Variants in POU6F2 observed in about 807,000 individuals in gnomAD.
The protein encoded by POU6F2 is POU domain, class 6, transcription factor 2.
In POU6F2, 31 loss-of-function variants were observed where a neutral mutation model predicts 71.3. The ratio of observed to expected loss-of-function variants is 0.43; its 90% CI spans 0.33 to 0.59. The LOEUF (loss-of-function observed/expected upper bound fraction) is 0.59, where lower values mean the gene tolerates loss of function less well. Ranked by LOEUF, POU6F2 falls within the 20% of genes least tolerant of loss-of-function variation. The probability of loss-of-function intolerance (pLI) is 0.04; values close to 1 mark genes in which losing one functional copy is unlikely to be tolerated. For missense variants in POU6F2, 783 were observed against 856.8 expected (o/e 0.91, Z 1.07); for synonymous variants, 347 against 355.7 (o/e 0.98, Z 0.27).
chr7:39,320,430 A>C (rs1378846807), intron 4 of POU6F2, among the ~76,000 whole-genome samples: 1 of 152,024 alleles, frequency 6.6e-6, no homozygotes, highest in Non-Finnish European at 1.5e-5. Flanking sequence ...AATTATGTTA[A>C]ATTTATAAGT....
intron 4 of POU6F2, among the ~76,000 whole-genome samples, chr7:39,235,045 C>G (rs1475126872): frequency 6.6e-6 from 1 of 152,198 alleles, no homozygotes; most frequent in African/African-American, 2.4e-5. Flanking sequence ...TCTGTCTCTG[C>G]TGTCTTTAGG....
chr7:39,263,683 ACACAC>A (rs1281013231), intron 4 of POU6F2, among the ~76,000 whole-genome samples: 1 of 150,070 alleles, frequency 6.7e-6, no homozygotes, highest in African/African-American at 2.5e-5. Context: ...GCACACACAC[ACACAC>A]AAGTCACACG....
At chr7:39,381,483 CT>C (rs1322285773) in intron 5 of POU6F2, among the ~76,000 whole-genome samples, 1 of 152,150 alleles carries the variant, frequency 6.6e-6, no homozygotes, top group Non-Finnish European at 1.5e-5. Flanking sequence ...CTCAAATGAT[CT>C]GCCCACCTCG....
intron 5 of POU6F2, among the ~76,000 whole-genome samples, chr7:39,370,779 C>G (rs1346565164): frequency 6.6e-6 from 1 of 152,138 alleles, no homozygotes; most frequent in Admixed American, 6.5e-5. Context: ...CTGACCTTTC[C>G]CAAGCAAAAG....
chr7:39,125,256 G>A (rs1268153413), intron 2 of POU6F2, among the ~76,000 whole-genome samples: 1 of 152,114 alleles, frequency 6.6e-6, no homozygotes, highest in African/African-American at 2.4e-5. Context: ...ATGTATCTGT[G>A]GCAGTGTGTT....
At chr7:39,147,443 A>T (rs1792646239) in intron 2 of POU6F2, among the ~76,000 whole-genome samples, 1 of 152,234 alleles carries the variant, frequency 6.6e-6, no homozygotes, top group African/African-American at 2.4e-5. Flanking sequence ...GGAAAAATAC[A>T]AATTTAACCT....
chr7:39,259,207 G>A (rs576054007), intron 4 of POU6F2, among the ~76,000 whole-genome samples: 30 of 152,128 alleles, frequency 2.0e-4, no homozygotes, highest in East Asian at 1.9e-3. Flanking sequence ...AAACTTAAGC[G>A]GCAGCTGATT....
intron 5 of POU6F2, chr7:39,373,805 T>C: frequency 4.1e-6 from 1 of 244,650 alleles, no homozygotes; most frequent in East Asian, 8.6e-5. Flanking sequence ...GTGTCCTCTA[T>C]AATGCCCATA....
At chr7:39,151,304 T>C (rs533984389) in intron 2 of POU6F2, among the ~76,000 whole-genome samples, 5 of 152,190 alleles carry the variant, frequency 3.3e-5, no homozygotes, top group African/African-American at 4.8e-5. Flanking sequence ...ACAGTAAAAG[T>C]GGTTTTACAT....
Position 39,076,010 on chromosome 7 carries a change from T to C in POU6F2, c.106-9850T>C, listed in dbSNP as rs1790995691. On this transcript the variant is annotated intron_variant, in intron 1 of 9. Transcript: ENST00000518318. ...CACTTCTGTTTCTGGAAGCAGCATA[T>C]GGGTCAGTATGTATGTGTGTGCAGA... Among the ~76,000 whole-genome samples the C allele has an allele frequency of 2.0e-5, 3 of 152,212 alleles. No individual in the cohort carries two copies. In the South Asian group the frequency reaches 6.2e-4, roughly 32 times the overall value.
At chr7:39,241,283 G>A (rs529360607) in intron 4 of POU6F2, among the ~76,000 whole-genome samples, 17 of 152,246 alleles carry the variant, frequency 1.1e-4, no homozygotes, top group African/African-American at 3.9e-4. Flanking sequence ...AATGGAGAGT[G>A]ATTGCTCCAG....
At chr7:39,045,291 C>A (rs1315335506) in intron 1 of POU6F2, among the ~76,000 whole-genome samples, 1 of 151,956 alleles carries the variant, frequency 6.6e-6, no homozygotes, top group Admixed American at 6.6e-5. Flanking sequence ...CCTTTACATG[C>A]CCCAAAGCAT....
At chr7:39,000,558 CA>C (rs1788876229) in intron 1 of POU6F2, among the ~76,000 whole-genome samples, 20 of 144,160 alleles carry the variant, frequency 1.4e-4, no homozygotes, top group Non-Finnish European at 2.5e-4. Flanking sequence ...CACACACACA[CA>C]CACACACCCT....
rs151234669 is a variant in POU6F2, at chr7:39,130,781, G to A, written c.277+44750G>A. Among the ~76,000 whole-genome samples the A allele has an allele frequency of 2.6e-5, 4 of 152,184 alleles. No homozygotes were observed. The East Asian group carries it at 7.7e-4, about 29-fold the overall frequency. On this transcript the variant is annotated intron_variant, in intron 2 of 9. Transcript: ENST00000518318. ...ATTTTTGGATGCTAAGTAGAGTCTGGGTGGAATTGTCAGTCACCCCAAATG... is the reference window on the plus strand; with the variant it reads ...ATTTTTGGATGCTAAGTAGAGTCTGAGTGGAATTGTCAGTCACCCCAAATG...
chr7:39,354,266 T>G (rs1363373671), intron 5 of POU6F2, among the ~76,000 whole-genome samples: 1 of 152,272 alleles, frequency 6.6e-6, no homozygotes, highest in Non-Finnish European at 1.5e-5. Flanking sequence ...CTTTGTGCTT[T>G]TGTTTTTTCC....
At chr7:39,090,308 G>C (rs923052904) in intron 2 of POU6F2, among the ~76,000 whole-genome samples, 8 of 152,036 alleles carry the variant, frequency 5.3e-5, no homozygotes, top group Admixed American at 3.3e-4. Flanking sequence ...TTGCCATCCA[G>C]TTTGACTTGA....
At chr7:39,046,228 G>A (rs544364444) in intron 1 of POU6F2, among the ~76,000 whole-genome samples, 6 of 151,666 alleles carry the variant, frequency 4.0e-5, no homozygotes, top group East Asian at 1.9e-4. Flanking sequence ...ATCCTTTCCC[G>A]TGTCTTTTAG....
rs771838930 is a variant in POU6F2 at position 39,339,903 on chromosome 7, A to G, written c.860A>G (p.Gln287Arg). The change falls in exon 5 of 10, where the codon CAG becomes CGG. Residue 287 changes from glutamine (Q) to arginine (R), a missense_variant. Transcript: ENST00000518318. ...CAGCACCAACCCCACTCCCACTCCC[A>G]GAACCAGAACCAACCATCTCCAACC... The part of the protein sequence containing the change: ...PQQHQPHSHS[Q>R]NQNQPSPTQQ... 6.2e-7 allele frequency: 1 copy of G among 1,613,642 alleles called. No individual in the cohort carries two copies. Among genetic ancestry groups the G allele is most frequent in the Admixed American group, 1.7e-5 (1 of 59,984 alleles).
chr7:39,054,853 CGT>C (rs2128714586), intron 1 of POU6F2, among the ~76,000 whole-genome samples: 1 of 151,024 alleles, frequency 6.6e-6, no homozygotes. Context: ...AGTATGAATA[CGT>C]GTGTGAGCAC....
Sources: allele counts gnomAD v4.1 joint callset (sites outside exome capture counted in the v4.1 genomes callset), GRCh38; gene constraint gnomAD v4.1.1; transcripts MANE v1.5; gene names NCBI Gene and HGNC (gene_info 2026-07-23, HGNC 2026-07-21).